TTC19: variants seen among roughly 807,000 people sequenced by gnomAD.
TTC19 encodes the protein tetratricopeptide repeat domain 19.
In TTC19, 38 loss-of-function variants were observed where a neutral mutation model predicts 49.5. The ratio of observed to expected loss-of-function variants is 0.77; its 90% CI spans 0.59 to 1.01. The LOEUF (loss-of-function observed/expected upper bound fraction) is 1.01. TTC19 is among the 50% of genes least tolerant of loss of function. The pLI is 0.00. For synonymous variants in TTC19, 204 were observed against 185.2 expected (o/e 1.10, Z -0.83); for missense variants, 475 against 477.7 (o/e 0.99, Z 0.05).
chr17:16,011,025 T>C (rs1248340591), intron 7 of TTC19, among the ~76,000 whole-genome samples: 1 of 152,234 alleles, frequency 6.6e-6, no homozygotes, highest in African/African-American at 2.4e-5. Context: ...CTAGGTTTTT[T>C]TGTGGCTCCG....
At chr17:16,016,122 G>C (rs1971206661) in intron 7 of TTC19, among the ~76,000 whole-genome samples, 1 of 152,052 alleles carries the variant, frequency 6.6e-6, no homozygotes, top group African/African-American at 2.4e-5. Flanking sequence ...TGAGGTTATT[G>C]ATTTAAGGTT....
chr17:16,020,470 G>A (rs574884194), intron 7 of TTC19, among the ~76,000 whole-genome samples: 2 of 152,200 alleles, frequency 1.3e-5, no homozygotes, highest in African/African-American at 2.4e-5. Context: ...GGCATTTGAT[G>A]TAGATTAAAA....
intron 7 of TTC19, among the ~76,000 whole-genome samples, chr17:16,011,330 G>GCTAC: frequency 6.6e-6 from 1 of 152,304 alleles, no homozygotes; most frequent in Non-Finnish European, 1.5e-5. Flanking sequence ...ACAGGCGTGA[G>GCTAC]CTACCACACC....
At chr17:16,034,657 G>T in intron 2 of TTC19, 1 of 987,342 alleles carries the variant, frequency 1.0e-6, no homozygotes, top group South Asian at 1.6e-5. Context: ...ACAGAAATGG[G>T]AATATAGGTT....
intron 2 of TTC19, among the ~76,000 whole-genome samples, chr17:16,001,561 A>G (rs550588772): frequency 6.6e-6 from 1 of 152,270 alleles, no homozygotes; most frequent in Admixed American, 6.5e-5. Flanking sequence ...AGCTCTTATC[A>G]TTAGTTGTAA....
intron 7 of TTC19, among the ~76,000 whole-genome samples, chr17:16,022,209 C>T (rs756496067): frequency 7.9e-5 from 12 of 152,158 alleles, no homozygotes; most frequent in African/African-American, 1.2e-4. Flanking sequence ...CAACAAAAAC[C>T]GGGCTTCTGC....
intron 4 of TTC19, 38 bp downstream of exon 4, chr17:16,002,869 G>A: frequency 6.3e-7 from 1 of 1,594,166 alleles, no homozygotes; most frequent in Non-Finnish European, 8.6e-7. Context: ...AATTTATGAA[G>A]GAGTAGCTTC....
At chr17:16,036,077 T>C (rs1045119900) in intron 2 of TTC19, among the ~76,000 whole-genome samples, 1 of 152,248 alleles carries the variant, frequency 6.6e-6, no homozygotes, top group Admixed American at 6.5e-5. Flanking sequence ...ATGGCAGCTA[T>C]TGCCTTATGA....
chr17:16,018,050 C>T (rs73981403), intron 7 of TTC19, among the ~76,000 whole-genome samples: 2,313 of 152,236 alleles, frequency 0.015, 68 homozygotes, highest in African/African-American at 0.054. Context: ...CATTATCCTT[C>T]TTTCCCTTTT....
In TTC19 at chr17:16,000,112, C is replaced by G. The variant is rs1382717257; in HGVS notation, c.185-6C>G. The G allele has an allele frequency of 6.5e-7, 1 of 1,542,950 alleles. No individual in the cohort carries two copies. Among genetic ancestry groups the G allele is most frequent in the Admixed American group, 1.9e-5 (1 of 52,464 alleles). Reference sequence around the variant, plus strand: ...GGCCCGATGACCTCAGAGCCCCTTCCCGCAGCGCTCGCCTGGTTCTCGAGG... The same window carrying G: ...GGCCCGATGACCTCAGAGCCCCTTCGCGCAGCGCTCGCCTGGTTCTCGAGG... On this transcript the variant is annotated splice_region_variant and splice_polypyrimidine_tract_variant and intron_variant, in intron 1 of 9. Transcript: ENST00000261647.
chr17:16,039,520 T>A (rs753533227), intron 2 of TTC19: 4 of 1,614,074 alleles, frequency 2.5e-6, no homozygotes, highest in Non-Finnish European at 2.5e-6. Context: ...ACTACTCCCA[T>A]AGGCTGGGAC....
chr17:16,007,126 C>G lies in TTC19; in HGVS notation c.676+558C>G, dbSNP rs541822249. Among the ~76,000 whole-genome samples, 26 of 152,212 alleles carry G rather than the reference C, an allele frequency of 1.7e-4. No homozygotes were observed. In the South Asian group the frequency reaches 5.4e-3, roughly 32 times the overall value. ...ATACCTACTCTATACCAAGAGCTAC[C>G]GAGATGGTAGGGATACAGCAGTCAA... On this transcript the variant is annotated intron_variant, in intron 7 of 9. Coordinates refer to ENST00000261647, the MANE Select transcript of TTC19 (RefSeq NM_017775.4).
chr17:16,034,968 GTATTAA>G, intron 2 of TTC19: 2 of 1,608,298 alleles, frequency 1.2e-6, no homozygotes, highest in Non-Finnish European at 1.7e-6. Context: ...TCAAGTTAAA[GTATTAA>G]TATATTAAGT....
chr17:16,043,513 T>C (rs879778145), intron 2 of TTC19, among the ~76,000 whole-genome samples: 2 of 152,244 alleles, frequency 1.3e-5, no homozygotes, highest in East Asian at 1.9e-4. Flanking sequence ...CTTCAGAGAA[T>C]AGAGACCATG....
intron 2 of TTC19, among the ~76,000 whole-genome samples, chr17:16,038,142 A>G (rs971597656): frequency 6.6e-6 from 1 of 152,082 alleles, no homozygotes; most frequent in African/African-American, 2.4e-5. Flanking sequence ...TTGCTTGAAG[A>G]TAACAGGAAA....
At chr17:16,015,590 C>T (rs1971191809) in intron 7 of TTC19, among the ~76,000 whole-genome samples, 1 of 151,972 alleles carries the variant, frequency 6.6e-6, no homozygotes, top group Non-Finnish European at 1.5e-5. Context: ...TAAAACATTT[C>T]TAGAAAGTTA....
intron 6 of TTC19, among the ~76,000 whole-genome samples, chr17:16,005,560 T>C (rs1361754127): frequency 6.6e-6 from 1 of 152,220 alleles, no homozygotes; most frequent in Non-Finnish European, 1.5e-5. Flanking sequence ...TCACATTTCC[T>C]CTGCATCTCT....
intron 2 of TTC19, among the ~76,000 whole-genome samples, chr17:16,038,354 C>CA (rs1264024882): frequency 6.6e-6 from 1 of 152,102 alleles, no homozygotes; most frequent in Non-Finnish European, 1.5e-5. Flanking sequence ...ATGTCTGAAA[C>CA]AATGCTTATC....
At chr17:16,035,839 G>A (rs552212793) in intron 2 of TTC19, among the ~76,000 whole-genome samples, 3 of 152,050 alleles carry the variant, frequency 2.0e-5, no homozygotes, top group Non-Finnish European at 4.4e-5. Context: ...ATCATACCCG[G>A]CCTCTCTTGC....
Sources: gnomAD v4.1 joint callset for allele counts (sites outside exome capture counted in the v4.1 genomes callset) on GRCh38, gnomAD v4.1.1 for gene constraint, MANE v1.5 for transcripts, NCBI Gene and HGNC (gene_info 2026-07-23, HGNC 2026-07-21) for gene names.